KIRREL3: variants seen among roughly 807,000 people sequenced by gnomAD.
The protein encoded by KIRREL3 is kirre like nephrin family adhesion molecule 3.
KIRREL3 carries 36 observed loss-of-function variants against 89.7 expected under a neutral mutation model. The ratio of observed to expected loss-of-function variants is 0.40; its 90% confidence interval spans 0.31 to 0.53. The LOEUF (loss-of-function observed/expected upper bound fraction) is 0.53, where lower values mean the gene tolerates loss of function less well. KIRREL3 is among the 20% of genes least tolerant of loss of function. KIRREL3 has a pLI of 0.49. For missense variants in KIRREL3, 864 were observed against 1,056.6 expected, an observed-to-expected ratio of 0.82 and a Z score of 2.53; for synonymous variants, 445 against 441.4, an observed-to-expected ratio of 1.01 and a Z score of -0.10.
rs1199255274 is a variant in KIRREL3 at position 126,653,938 on chromosome 11, A to T, written c.56-91026T>A. 1.3e-5 allele frequency among the ~76,000 whole-genome samples: 2 copies of T among 152,154 alleles called. No individual in the cohort carries two copies. Among genetic ancestry groups the T allele is most frequent in the Non-Finnish European group, 2.9e-5 (2 of 68,034 alleles). On this transcript the variant is annotated intron_variant, in intron 1 of 16. Transcript: ENST00000525144. The surrounding 1 kb of genome is among the most constrained non-coding windows in gnomAD (Gnocchi z 5.4). The stretch of plus-strand genomic sequence containing the variant: ...TAGCTGCCTCCATGCGATTCAGGGG[A>T]AGGTGATACCACTTCTGCCTAGAGG...
intron 1 of KIRREL3, among the ~76,000 whole-genome samples, chr11:126,730,435 T>G (rs1324741456): frequency 6.6e-6 from 1 of 152,244 alleles, no homozygotes; most frequent in Non-Finnish European, 1.5e-5. Flanking sequence ...CTCCTACAGG[T>G]ATCTTCAACC....
rs575153699 is a variant in KIRREL3, at chr11:126,457,349, A to G, written c.743-895T>C. Among the ~76,000 whole-genome samples the G allele has an allele frequency of 1.5e-3, 199 of 129,024 alleles. 2 individuals carry two copies. The South Asian group carries it at 0.019, about 12-fold the overall frequency. 84.6% of individuals were successfully genotyped at this position (129,024 alleles called of 152,430 possible). ...TGTGTATGTGTATATGTGTGTGTGT[A>G]TGTATGTCTCTGTGTGTATGCGTGT... On this transcript the variant is annotated intron_variant, in intron 6 of 16. Transcript: ENST00000525144.
At position 126,430,962 on chromosome 11, in the gene KIRREL3, C is replaced by G; in HGVS notation, c.1696+457G>C. ...TTTAAAAGTTTTCTCAAAGCAATTC[C>G]TTTATTGCTTCCCCACCCACTCCCC... On this transcript the variant is annotated intron_variant, in intron 14 of 16. Coordinates refer to ENST00000525144, the MANE Select transcript of KIRREL3 (RefSeq NM_032531.4). This position sits in a 1 kb window ranked among gnomAD's most constrained non-coding sequence, Gnocchi z 6.6. The G allele has an allele frequency of 9.5e-7, 1 of 1,055,598 alleles. No homozygotes were observed. The highest frequency in any genetic ancestry group is 1.1e-6 in the Non-Finnish European group (1 of 875,006). 65.4% of individuals were successfully genotyped at this position (1,055,598 alleles called of 1,614,324 possible). A position where few individuals can be genotyped will look rare whatever the true frequency, so the allele number is the denominator to read the frequency against.
At position 126,639,317 on chromosome 11, in the gene KIRREL3, T is replaced by A. The variant is rs1037271246; in HGVS notation, c.56-76405A>T. ...CAATGAAGATCTAGGCAGCTATTTG[T>A]ATTTCTGTTTGGATTTTTGGGTCCT... is the stretch of plus-strand genomic sequence containing the variant. On this transcript the variant is annotated intron_variant, in intron 1 of 16. Transcript: ENST00000525144. The surrounding 1 kb of genome is among the most constrained non-coding windows in gnomAD (Gnocchi z 4.3). 1.3e-5 allele frequency among the ~76,000 whole-genome samples: 2 copies of A among 152,264 alleles called. No individual in the cohort carries two copies. Among genetic ancestry groups the A allele is most frequent in the Non-Finnish European group, 2.9e-5 (2 of 68,044 alleles).
chr11:126,713,751 C>G (rs1192472295), intron 1 of KIRREL3, among the ~76,000 whole-genome samples: 3 of 152,038 alleles, frequency 2.0e-5, no homozygotes, highest in African/African-American at 7.3e-5. Context: ...GGGGATCTGA[C>G]CTGGCCAGAA....
rs769653500 is a variant in KIRREL3, at chr11:126,431,500, C to T, written c.1615G>A (p.Gly539Arg). Residue 539 changes from glycine to arginine, a missense_variant, in exon 14 of 17, where the codon GGG (glycine) becomes AGG (arginine). Transcript: ENST00000525144. This position sits in a 1 kb window ranked among gnomAD's most constrained non-coding sequence, Gnocchi z 7.1. ...GCCACACCAGCTCCTACGGCCACCC[C>T]AATGATGACGGCCATCGGCACAGAC... ...AESVPMAVII[G>R]VAVGAGVAFL... 5 of 1,613,994 alleles carry T rather than the reference C, an allele frequency of 3.1e-6. No homozygotes were observed. The highest frequency in any genetic ancestry group is 4.2e-6 in the Non-Finnish European group (5 of 1,179,890).
chr11:126,924,640 A>G lies in KIRREL3; in HGVS notation c.55+75815T>C, dbSNP rs1947622095. 6.6e-6 allele frequency among the ~76,000 whole-genome samples: 1 copy of G among 152,108 alleles called. No individual in the cohort carries two copies. Among genetic ancestry groups the G allele is most frequent in the African/African-American group, 2.4e-5 (1 of 41,426 alleles). On this transcript the variant is annotated intron_variant, in intron 1 of 16. Coordinates refer to ENST00000525144, the MANE Select transcript of KIRREL3 (RefSeq NM_032531.4). The surrounding 1 kb of genome is among the most constrained non-coding windows in gnomAD (Gnocchi z 4.7). ...AGGCAGGGCTGTTGGGGGATTTGGA[A>G]GAAGTGTTAAAGAAAAAGGAGCAGC...
rs997099050 is a variant in KIRREL3, at chr11:126,526,513, C to T, written c.283+25G>A. The T allele has an allele frequency of 1.2e-6, 2 of 1,600,588 alleles. No individual in the cohort carries two copies. Among genetic ancestry groups the T allele is most frequent in the Non-Finnish European group, 1.7e-6 (2 of 1,170,210 alleles). On this transcript the variant is annotated intron_variant, in intron 3 of 16. Coordinates refer to ENST00000525144, the MANE Select transcript of KIRREL3 (RefSeq NM_032531.4). This position sits in a 1 kb window ranked among gnomAD's most constrained non-coding sequence, Gnocchi z 5.7. ...TAAGGAAGTGATGGCCCCAGGCCCA[C>T]CCCAGGAGGTCTGGAGGTACTCACT...
intron 2 of KIRREL3, among the ~76,000 whole-genome samples, chr11:126,556,748 G>C (rs556549416): frequency 1.8e-4 from 27 of 152,278 alleles, no homozygotes; most frequent in African/African-American, 6.0e-4. Flanking sequence ...CTGAGAAAAA[G>C]CTTTGGAATG....
rs1944435661 is a variant in KIRREL3 at position 126,640,705 on chromosome 11, G to C, written c.56-77793C>G. 6.6e-6 allele frequency among the ~76,000 whole-genome samples: 1 copy of C among 152,070 alleles called. No individual in the cohort carries two copies. The highest frequency in any genetic ancestry group is 2.4e-5 in the African/African-American group (1 of 41,420). Reference sequence around the variant, plus strand: ...CTTTCTGAATCTGGAATGAACCATGGGACCCTTGGGTTGAAGACTATGCCT... The same window carrying C: ...CTTTCTGAATCTGGAATGAACCATGCGACCCTTGGGTTGAAGACTATGCCT... On this transcript the variant is annotated intron_variant, in intron 1 of 16. Coordinates refer to ENST00000525144, the MANE Select transcript of KIRREL3 (RefSeq NM_032531.4). This position sits in a 1 kb window ranked among gnomAD's most constrained non-coding sequence, Gnocchi z 4.9.
chr11:126,543,542 G>A (rs1407559040), intron 2 of KIRREL3, among the ~76,000 whole-genome samples: 1 of 152,108 alleles, frequency 6.6e-6, no homozygotes, highest in Non-Finnish European at 1.5e-5. Context: ...ACAGTAGCCG[G>A]TCAGCAGAGG....
At position 126,526,724 on chromosome 11, in the gene KIRREL3, C is replaced by T. The variant is rs532902005; in HGVS notation, c.134-37G>A. On this transcript the variant is annotated intron_variant, in intron 2 of 16. Coordinates refer to ENST00000525144, the MANE Select transcript of KIRREL3 (RefSeq NM_032531.4). This position sits in a 1 kb window ranked among gnomAD's most constrained non-coding sequence, Gnocchi z 5.7. ...ACAAACACAATGGTCAGTTATCTGCCGGCTACAGGGGCGAGAAGGCTCCCC... is the reference window on the plus strand; with the variant it reads ...ACAAACACAATGGTCAGTTATCTGCTGGCTACAGGGGCGAGAAGGCTCCCC... 91 of 1,541,322 alleles carry T rather than the reference C, an allele frequency of 5.9e-5. No homozygotes were observed. Among genetic ancestry groups the T allele is most frequent in the South Asian group, 1.9e-4 (16 of 83,566 alleles).
At chr11:126,461,614 T>C (rs1482790242) in intron 6 of KIRREL3, among the ~76,000 whole-genome samples, 1 of 152,190 alleles carries the variant, frequency 6.6e-6, no homozygotes, top group Non-Finnish European at 1.5e-5. Flanking sequence ...GTGGGTATCT[T>C]GAGCCTACCT....
Position 126,436,968 on chromosome 11 carries a change from C to G in KIRREL3, c.1395G>C (p.Ser465=). 6.3e-7 allele frequency: 1 copy of G among 1,584,300 alleles called. No individual in the cohort carries two copies. Among genetic ancestry groups the G allele is most frequent in the Non-Finnish European group, 8.6e-7 (1 of 1,160,924 alleles). ...TGATGGTCTCCACCGTATAGCGCCC[C>G]GATGTGCCCGACTCCAGAACGTTCT... is the stretch of plus-strand genomic sequence containing the variant. The part of the protein sequence containing the change: ...WKENVLESGT[S]GRYTVETIST... The change falls in exon 12 of 17, where the codon TCG becomes TCC. Residue 465 remains serine (S), a synonymous_variant. Coordinates refer to ENST00000525144, the MANE Select transcript of KIRREL3 (RefSeq NM_032531.4).
chr11:126,494,960 A>G (rs1287262423), intron 4 of KIRREL3, among the ~76,000 whole-genome samples: 1 of 152,212 alleles, frequency 6.6e-6, no homozygotes, highest in African/African-American at 2.4e-5. Flanking sequence ...GACGGGGAGA[A>G]GCGGGTGAGC....
chr11:126,941,743 T>C lies in KIRREL3; in HGVS notation c.55+58712A>G, dbSNP rs979308573. On this transcript the variant is annotated intron_variant, in intron 1 of 16. Coordinates refer to ENST00000525144, the MANE Select transcript of KIRREL3 (RefSeq NM_032531.4). The stretch of plus-strand genomic sequence containing the variant: ...CCAGAGTGGGCTGGATGAAGGGTGC[T>C]ATCCCCAAATCAGGGGCCGTGCCCT... 7.2e-5 allele frequency among the ~76,000 whole-genome samples: 11 copies of C among 152,232 alleles called. 1 individual carries two copies. The highest frequency in any genetic ancestry group is 2.6e-4 in the Admixed American group (4 of 15,284).
In KIRREL3 at chr11:126,669,417, T is replaced by A. The variant is rs1246980791; in HGVS notation, c.56-106505A>T. Among the ~76,000 whole-genome samples the A allele has an allele frequency of 6.6e-6, 1 of 152,268 alleles. No individual in the cohort carries two copies. Among genetic ancestry groups the A allele is most frequent in the African/African-American group, 2.4e-5 (1 of 41,476 alleles). ...TTTTCCCTATTTAATCCCATGTATTTTTAACCCACTAACATAATCCCCAAT... is the reference window on the plus strand; with the variant it reads ...TTTTCCCTATTTAATCCCATGTATTATTAACCCACTAACATAATCCCCAAT... On this transcript the variant is annotated intron_variant, in intron 1 of 16. Transcript: ENST00000525144. The surrounding 1 kb of genome is among the most constrained non-coding windows in gnomAD (Gnocchi z 5.0).
chr11:126,457,195 G>GTGTGTGTGTGTGTGTGTA (rs1439469025), intron 6 of KIRREL3, among the ~76,000 whole-genome samples: 2 of 150,814 alleles, frequency 1.3e-5, no homozygotes, highest in Non-Finnish European at 3.0e-5. Context: ...ATGTGTGTGT[G>GTGTGTGTGTGTGTGTGTA]TGTGTGTGTG....
rs1423278473 is a variant in KIRREL3 at position 126,642,374 on chromosome 11, T to C, written c.56-79462A>G. 6.6e-6 allele frequency among the ~76,000 whole-genome samples: 1 copy of C among 152,154 alleles called. No homozygotes were observed. The highest frequency in any genetic ancestry group is 1.5e-5 in the Non-Finnish European group (1 of 68,028). Reference sequence around the variant, plus strand: ...GCAATGCCTTCCTGGGAGATAACATTGCATTTATTCCAGGACTCCTACAGG... The same window carrying C: ...GCAATGCCTTCCTGGGAGATAACATCGCATTTATTCCAGGACTCCTACAGG... On this transcript the variant is annotated intron_variant, in intron 1 of 16. Transcript: ENST00000525144. The surrounding 1 kb of genome is among the most constrained non-coding windows in gnomAD (Gnocchi z 4.9).
Sources: gnomAD v4.1 joint callset for allele counts (sites outside exome capture counted in the v4.1 genomes callset) on GRCh38, gnomAD v4.1.1 for gene constraint, Gnocchi (gnomAD v3.1) non-coding constraint, MANE v1.5 for transcripts, NCBI Gene and HGNC (gene_info 2026-07-23, HGNC 2026-07-21) for gene names.